Variants in SGPP2 observed in about 807,000 individuals in gnomAD.
SGPP2 encodes sphingosine 1-phosphate phosphohydrolase 2.
Under a neutral mutation model 33.9 loss-of-function variants are expected in SGPP2, and 30 were observed. That is an observed-to-expected ratio of 0.89 (90% confidence interval 0.66 to 1.20). The LOEUF (loss-of-function observed/expected upper bound fraction) is 1.20, where lower values mean the gene tolerates loss of function less well. SGPP2 is among the 50% of genes most tolerant of loss of function. The pLI is 0.00. For missense variants in SGPP2, 458 were observed against 532.1 expected (o/e 0.86, Z 1.37); for synonymous variants, 233 against 225.0 (o/e 1.04, Z -0.32).
chr2:222,471,981 G>A (rs552857662), intron 1 of SGPP2, among the ~76,000 whole-genome samples: 2 of 152,036 alleles, frequency 1.3e-5, no homozygotes, highest in African/African-American at 4.8e-5. Context: ...AATTCCCTAA[G>A]TCTTTCTTTT....
chr2:222,434,700 C>G (rs114395368), intron 1 of SGPP2, among the ~76,000 whole-genome samples: 3,172 of 152,032 alleles, frequency 0.021, 59 homozygotes, highest in Non-Finnish European at 0.028. Flanking sequence ...AATTTTGTTT[C>G]CATAAAATTT....
intron 4 of SGPP2, among the ~76,000 whole-genome samples, chr2:222,546,742 A>G (rs74731408): frequency 0.037 from 5,602 of 151,562 alleles, 362 homozygotes; most frequent in African/African-American, 0.13. Flanking sequence ...ATGTATTACT[A>G]TATTGGAATA....
chr2:222,488,978 C>T (rs13393719), intron 2 of SGPP2, among the ~76,000 whole-genome samples: 1 of 152,174 alleles, frequency 6.6e-6, no homozygotes, highest in African/African-American at 2.4e-5. Flanking sequence ...GAATGACATT[C>T]TGAAGGTTTT....
At position 222,525,049 on chromosome 2, in the gene SGPP2, C is replaced by T. The variant is rs1457134757; in HGVS notation, c.648+16C>T. ...TACGGTCCTGGTAAGGCTTTGTGGT[C>T]AGGTCTTGTGGTGATTGTTTGAATG... is the stretch of plus-strand genomic sequence containing the variant. On this transcript the variant is annotated intron_variant, in intron 4 of 4. Transcript: ENST00000321276. 3 of 1,602,810 alleles carry T rather than the reference C, an allele frequency of 1.9e-6. No homozygotes were observed. The highest frequency in any genetic ancestry group is 3.3e-5 in the Admixed American group (2 of 59,800).
intron 4 of SGPP2, among the ~76,000 whole-genome samples, chr2:222,534,438 T>G (rs1265465130): frequency 6.8e-6 from 1 of 146,984 alleles, no homozygotes; most frequent in African/African-American, 2.5e-5. Context: ...ACTGTTTTAT[T>G]TGCTTATTCA....
intron 2 of SGPP2, among the ~76,000 whole-genome samples, chr2:222,482,716 C>T (rs1393542563): frequency 6.6e-6 from 1 of 152,160 alleles, no homozygotes; most frequent in Non-Finnish European, 1.5e-5. Context: ...AGACACAGCC[C>T]CTGGTGTAGT....
intron 2 of SGPP2, among the ~76,000 whole-genome samples, chr2:222,509,062 C>G (rs968991003): frequency 1.3e-5 from 2 of 151,928 alleles, no homozygotes; most frequent in Non-Finnish European, 2.9e-5. Context: ...TAACCATCAC[C>G]AAGAATTGCT....
At chr2:222,502,916 T>C (rs1698389191) in intron 2 of SGPP2, among the ~76,000 whole-genome samples, 1 of 152,236 alleles carries the variant, frequency 6.6e-6, no homozygotes. Flanking sequence ...ATTAGAGAGT[T>C]GCATTGCCTT....
At chr2:222,454,802 G>A (rs1697547295) in intron 1 of SGPP2, among the ~76,000 whole-genome samples, 4 of 151,656 alleles carry the variant, frequency 2.6e-5, no homozygotes. Flanking sequence ...TCCTGGAGTA[G>A]AGTCCAGGTA....
intron 2 of SGPP2, among the ~76,000 whole-genome samples, chr2:222,489,998 C>T (rs115763818): frequency 0.021 from 3,201 of 152,136 alleles, 45 homozygotes; most frequent in Non-Finnish European, 0.033. Context: ...AAATAAAACT[C>T]TGTGAAAGCC....
chr2:222,527,211 T>C (rs1382249469), intron 4 of SGPP2, among the ~76,000 whole-genome samples: 2 of 152,238 alleles, frequency 1.3e-5, no homozygotes, highest in South Asian at 4.1e-4. Flanking sequence ...ATATGCTTTT[T>C]TTAGACATAA....
chr2:222,485,882 G>C (rs1055792172), intron 2 of SGPP2, among the ~76,000 whole-genome samples: 1 of 152,244 alleles, frequency 6.6e-6, no homozygotes, highest in Non-Finnish European at 1.5e-5. Context: ...CACAGCTAAA[G>C]AGGCCACCGT....
At position 222,559,067 on chromosome 2, in the gene SGPP2, T is replaced by A; in HGVS notation, c.*169T>A. On this transcript the variant is annotated 3_prime_UTR_variant, in exon 5 of 5. Transcript: ENST00000321276. ...CTGCTGTGTGAAAGGAAGAACTGTC[T>A]CATAGCGGTCATTGGTCGTCCGTGG... 1 of 644,646 alleles carries A rather than the reference T, an allele frequency of 1.6e-6. No homozygotes were observed. Among genetic ancestry groups the A allele is most frequent in the South Asian group, 2.1e-5 (1 of 48,362 alleles). The allele number at this position is 644,646 out of a possible 1,614,324, so 39.9% of individuals were successfully genotyped here. A position where few individuals can be genotyped will look rare whatever the true frequency, so the allele number is the denominator to read the frequency against.
intron 2 of SGPP2, among the ~76,000 whole-genome samples, chr2:222,501,811 A>T (rs1442866184): frequency 6.6e-6 from 1 of 152,234 alleles, no homozygotes; most frequent in African/African-American, 2.4e-5. Context: ...ACAAATTGTG[A>T]GACATATTAG....
intron 4 of SGPP2, among the ~76,000 whole-genome samples, chr2:222,540,078 A>G (rs1698968849): frequency 6.6e-6 from 1 of 152,192 alleles, no homozygotes; most frequent in African/African-American, 2.4e-5. Context: ...TTTCATTCCA[A>G]AGTCTCTTCG....
chr2:222,478,077 C>T (rs751127388), intron 2 of SGPP2, among the ~76,000 whole-genome samples: 8 of 151,218 alleles, frequency 5.3e-5, no homozygotes, highest in Non-Finnish European at 1.2e-4. Context: ...GTGTGAGAAG[C>T]GTAAGGTAAT....
intron 4 of SGPP2, among the ~76,000 whole-genome samples, chr2:222,537,486 A>G (rs993401569): frequency 4.6e-5 from 7 of 152,222 alleles, no homozygotes; most frequent in African/African-American, 1.7e-4. Flanking sequence ...ATGTATAGAG[A>G]TATGAAGGAA....
intron 2 of SGPP2, among the ~76,000 whole-genome samples, chr2:222,491,157 C>G (rs1340067313): frequency 6.6e-6 from 1 of 151,128 alleles, no homozygotes; most frequent in African/African-American, 2.4e-5. Flanking sequence ...TTTTTTGAAA[C>G]AGAGTCTTGA....
intron 4 of SGPP2, among the ~76,000 whole-genome samples, chr2:222,543,183 T>C (rs1699022737): frequency 6.6e-6 from 1 of 152,242 alleles, no homozygotes; most frequent in African/African-American, 2.4e-5. Context: ...TGTTATTATA[T>C]TTGTGAGGTT....
Sources: allele counts gnomAD v4.1 joint callset (sites outside exome capture counted in the v4.1 genomes callset), GRCh38; gene constraint gnomAD v4.1.1; transcripts MANE v1.5; gene names NCBI Gene and HGNC (gene_info 2026-07-23, HGNC 2026-07-21).